Variants in PTPRS observed in about 807,000 individuals in gnomAD.
PTPRS encodes the protein receptor-type tyrosine-protein phosphatase S.
In PTPRS, 63 loss-of-function variants were observed where a neutral mutation model predicts 215.3. That is an observed-to-expected ratio of 0.29 (90% CI 0.24 to 0.36). The LOEUF (loss-of-function observed/expected upper bound fraction) is 0.36, where lower values mean the gene tolerates loss of function less well. PTPRS is among the 10% of genes least tolerant of loss of function. The probability of loss-of-function intolerance (pLI) is 1.00; values close to 1 mark genes in which losing one functional copy is unlikely to be tolerated. For synonymous variants in PTPRS, 1,404 were observed against 1,191.4 expected (o/e 1.18, Z -3.68); for missense variants, 2,258 against 2,825.8 (o/e 0.80, Z 4.56).
rs751753667 is a variant in PTPRS, at chr19:5,244,290, G to A, written c.1181C>T (p.Pro394Leu). The A allele has an allele frequency of 6.2e-7, 1 of 1,614,260 alleles. No individual in the cohort carries two copies. Among genetic ancestry groups the A allele is most frequent in the Non-Finnish European group, 8.5e-7 (1 of 1,180,050 alleles). ...CACCCAGATCTCGTACTCCGAGTTG[G>A]GGCTCAGGCCGCCGATGCTGTAACG... ...TTRYSIGGLS[P>L]NSEYEIWVSA... The change falls in exon 11 of 38, where the codon CCC (proline) becomes CTC (leucine). Residue 394 changes from proline (P) to leucine (L), a missense_variant. Physicochemically the swap from Pro to Leu is moderately conservative, Grantham distance 98. Around this residue, in one of 6 missense-constraint regions of PTPRS, gnomAD observed 508 missense variants for 799.4 expected, o/e 0.64. Transcript: ENST00000262963. This position sits in a 1 kb window ranked among gnomAD's most constrained non-coding sequence, Gnocchi z 7.2.
Position 5,237,585 on chromosome 19 carries a change from C to T in PTPRS, c.1849+1334G>A, listed in dbSNP as rs1303967427. Reference sequence around the variant, plus strand: ...ACGTGGTTTGGGAGAGTTTCTGGGGCCGAATTCGGGCCGTGGACTGTCCGT... The same window carrying T: ...ACGTGGTTTGGGAGAGTTTCTGGGGTCGAATTCGGGCCGTGGACTGTCCGT... On this transcript the variant is annotated intron_variant, in intron 13 of 37. Coordinates refer to ENST00000262963, the MANE Select transcript of PTPRS (RefSeq NM_002850.4). This position sits in a 1 kb window ranked among gnomAD's most constrained non-coding sequence, Gnocchi z 4.2. Among the ~76,000 whole-genome samples, 5 of 152,200 alleles carry T rather than the reference C, an allele frequency of 3.3e-5. No homozygotes were observed. In the East Asian group the frequency reaches 9.7e-4, roughly 29 times the overall value.
chr19:5,244,175 G>A lies in PTPRS; in HGVS notation c.1296C>T (p.Asn432=), dbSNP rs2044282589. Residue 432 remains asparagine, a synonymous_variant, in exon 11 of 38, where the codon AAC becomes AAT. Transcript: ENST00000262963. This position sits in a 1 kb window ranked among gnomAD's most constrained non-coding sequence, Gnocchi z 7.2. ...TCGCGCTGAGCATCCGGGCTTGCACGTTCCGCGGCGCGCTGGCCGGGGCCT... is the reference window on the plus strand; with the variant it reads ...TCGCGCTGAGCATCCGGGCTTGCACATTCCGCGGCGCGCTGGCCGGGGCCT... ...GEQAPASAPR[N]VQARMLSATT... is the part of the protein sequence containing the mutation. 6.3e-7 allele frequency: 1 copy of A among 1,598,664 alleles called. No homozygotes were observed. The highest frequency in any genetic ancestry group is 8.5e-7 in the Non-Finnish European group (1 of 1,172,002).
chr19:5,255,899 C>T (rs991279627), intron 9 of PTPRS, among the ~76,000 whole-genome samples: 3 of 152,180 alleles, frequency 2.0e-5, no homozygotes, highest in East Asian at 1.9e-4. Flanking sequence ...CTGGGTTTTG[C>T]GCTCGCTTGG....
At chr19:5,282,365 C>T (rs1442518025) in intron 2 of PTPRS, among the ~76,000 whole-genome samples, 2 of 152,106 alleles carry the variant, frequency 1.3e-5, no homozygotes, top group Admixed American at 1.3e-4. Context: ...ACGAAGCTTC[C>T]CCACCTTTTT....
In PTPRS at chr19:5,229,651, T is replaced by C. The variant is rs1599535159; in HGVS notation, c.2189A>G (p.Glu730Gly). The change falls in exon 15 of 38, where the codon GAG (glutamate) becomes GGG (glycine). Residue 730 changes from glutamate (E) to glycine (G), a missense_variant. Physicochemically the swap from Glu to Gly is moderately conservative, Grantham distance 98. Coordinates refer to ENST00000262963, the MANE Select transcript of PTPRS (RefSeq NM_002850.4). ...GCGGATGGCCGTGGCGTTGAGCGCC[T>C]CCGCCTCCACCTTCCGCGGCGGCGC... ...PSAPPRKVEA[E>G]ALNATAIRVL... is the part of the protein sequence containing the mutation. 2.3e-6 allele frequency: 3 copies of C among 1,299,720 alleles called. No individual in the cohort carries two copies. The East Asian group carries it at 9.6e-5, about 42-fold the overall frequency. 80.5% of individuals were successfully genotyped at this position (1,299,720 alleles called of 1,614,324 possible).
intron 1 of PTPRS, among the ~76,000 whole-genome samples, chr19:5,290,644 A>C (rs1344215295): frequency 2.0e-5 from 3 of 152,040 alleles, no homozygotes; most frequent in Non-Finnish European, 4.4e-5. Context: ...CCAGCTGTAG[A>C]GTCCATGCTG....
chr19:5,280,323 G>T (rs918489908), intron 2 of PTPRS, among the ~76,000 whole-genome samples: 2 of 152,194 alleles, frequency 1.3e-5, no homozygotes, highest in East Asian at 3.9e-4. Flanking sequence ...AAACAAAACA[G>T]AGTTCCTGCC....
intron 1 of PTPRS, chr19:5,292,923 G>C (rs2048951770): frequency 1.3e-5 from 2 of 152,344 alleles, no homozygotes; most frequent in South Asian, 2.1e-4. Flanking sequence ...TAACGGTCTG[G>C]AGTTTTCCAA....
rs776297620 is a variant in PTPRS at position 5,210,836 on chromosome 19, C to T, written c.5235-31G>A. 9.3e-6 allele frequency: 15 copies of T among 1,606,326 alleles called. No homozygotes were observed. The highest frequency in any genetic ancestry group is 4.5e-5 in the East Asian group (2 of 44,822). On this transcript the variant is annotated intron_variant, in intron 33 of 37. Coordinates refer to ENST00000262963, the MANE Select transcript of PTPRS (RefSeq NM_002850.4). This position sits in a 1 kb window ranked among gnomAD's most constrained non-coding sequence, Gnocchi z 4.5. Reference sequence around the variant, plus strand: ...GGCGTTGGGGGTATGAGCCCAGGGCCGGCAGGGAGACCCGGCGTGGTACTC... The same window carrying T: ...GGCGTTGGGGGTATGAGCCCAGGGCTGGCAGGGAGACCCGGCGTGGTACTC...
intron 7 of PTPRS, among the ~76,000 whole-genome samples, chr19:5,259,888 G>A (rs80139124): frequency 5.3e-4 from 81 of 152,280 alleles, no homozygotes; most frequent in African/African-American, 1.7e-3. Context: ...CCTGGACCTC[G>A]AGGTTCTGGG....
chr19:5,222,642 G>GGGGGGGGGGGGGGGGC, intron 18 of PTPRS, 47 bp downstream of exon 18: 1 of 1,369,374 alleles, frequency 7.3e-7, no homozygotes, highest in Non-Finnish European at 9.7e-7. Context: ...GTGGGGGTGG[G>GGGGGGGGGGGGGGGGC]CGCAAGGCCC....
chr19:5,212,555 C>A, intron 30 of PTPRS, 64 bp from the exon 31 acceptor site: 1 of 1,519,544 alleles, frequency 6.6e-7, no homozygotes, highest in Non-Finnish European at 8.9e-7. Flanking sequence ...GCTGAAGATG[C>A]CCAAGTGGCC....
At chr19:5,213,583 T>A (rs1471712495) in intron 30 of PTPRS, among the ~76,000 whole-genome samples, 1 of 152,212 alleles carries the variant, frequency 6.6e-6, no homozygotes, top group African/African-American at 2.4e-5. Flanking sequence ...GCAGAACGTT[T>A]TGTCTGTTTA....
chr19:5,255,979 CTATT>C, intron 9 of PTPRS, 125 bp downstream of exon 9: 1 of 627,412 alleles, frequency 1.6e-6, no homozygotes, highest in Non-Finnish European at 2.5e-6. Context: ...GTTCATTTTT[CTATT>C]TTTTTTCCGT....
chr19:5,223,059 G>A lies in PTPRS; in HGVS notation c.2733C>T (p.Gly911=), dbSNP rs757772851. The part of the protein sequence containing the change: ...YVFRLAARSR[G]GLGEEAAEVL... The stretch of plus-strand genomic sequence containing the variant: ...CCTCGGCTGCCTCCTCGCCCAGGCC[G>A]CCGCGGCTCCGGGCCGCAAGCCGGA... Residue 911 remains glycine, a synonymous_variant, in exon 18 of 38, where the codon GGC becomes GGT. Coordinates refer to ENST00000262963, the MANE Select transcript of PTPRS (RefSeq NM_002850.4). 82 of 1,551,318 alleles carry A rather than the reference G, an allele frequency of 5.3e-5. No individual in the cohort carries two copies. Among genetic ancestry groups the A allele is most frequent in the Middle Eastern group, 1.7e-4 (1 of 6,004 alleles).
Position 5,274,469 on chromosome 19 carries a change from G to A in PTPRS, c.92-125C>T. ...GGAAGTGCCATGTGGCCAATGAAGAGAGGAGGAGGAAAGCAAGGATGACAA... is the reference window on the plus strand; with the variant it reads ...GGAAGTGCCATGTGGCCAATGAAGAAAGGAGGAGGAAAGCAAGGATGACAA... On this transcript the variant is annotated intron_variant, in intron 2 of 37. Coordinates refer to ENST00000262963, the MANE Select transcript of PTPRS (RefSeq NM_002850.4). The A allele has an allele frequency of 4.3e-6, 5 of 1,171,686 alleles. 1 individual carries two copies. The South Asian group carries it at 6.7e-5, about 16-fold the overall frequency. The allele number at this position is 1,171,686 out of a possible 1,614,324, so 72.6% of individuals were successfully genotyped here.
At position 5,240,222 on chromosome 19, in the gene PTPRS, G is replaced by T. The variant is rs202189767; in HGVS notation, c.1681C>A (p.Arg561=). Residue 561 remains arginine, a synonymous_variant, in exon 12 of 38, where the codon CGG becomes AGG. Coordinates refer to ENST00000262963, the MANE Select transcript of PTPRS (RefSeq NM_002850.4). ...ACCTCCCGGCCATGGTCGCCTTCCC[G>T]GAAGAGGAGCTCGTACTTGATGATA... ...ESIIKYELLF[R]EGDHGREVGR... 9.7e-6 allele frequency: 15 copies of T among 1,554,330 alleles called. No individual in the cohort carries two copies. Among genetic ancestry groups the T allele is most frequent in the Middle Eastern group, 1.9e-4 (1 of 5,212 alleles).
chr19:5,318,825 T>C (rs1423985258), intron 1 of PTPRS, among the ~76,000 whole-genome samples: 3 of 152,110 alleles, frequency 2.0e-5, no homozygotes, highest in Admixed American at 6.5e-5. Flanking sequence ...GCTGATGTTA[T>C]TTTTAAAAAA....
rs1443924177 is a variant in PTPRS at position 5,339,578 on chromosome 19, G to A, written c.-95+1086C>T. On this transcript the variant is annotated intron_variant, in intron 1 of 37. Transcript: ENST00000262963. The surrounding 1 kb of genome is among the most constrained non-coding windows in gnomAD (Gnocchi z 4.2). ...CAGGATTTGTAGGGGGAGGTCCGAAGGGGAGGATCTTAATTTTAGGAGAGA... is the reference window on the plus strand; with the variant it reads ...CAGGATTTGTAGGGGGAGGTCCGAAAGGGAGGATCTTAATTTTAGGAGAGA... Among the ~76,000 whole-genome samples, 1 of 152,104 alleles carries A rather than the reference G, an allele frequency of 6.6e-6. No individual in the cohort carries two copies. Among genetic ancestry groups the A allele is most frequent in the Non-Finnish European group, 1.5e-5 (1 of 67,988 alleles).
Sources: allele counts gnomAD v4.1 joint callset (sites outside exome capture counted in the v4.1 genomes callset), GRCh38; gene constraint gnomAD v4.1.1; regional missense constraint gnomAD v4.1.1; non-coding constraint Gnocchi (gnomAD v3.1); transcripts MANE v1.5; gene names NCBI Gene and HGNC (gene_info 2026-07-23, HGNC 2026-07-21).